LINGO3: variants seen among roughly 807,000 people sequenced by gnomAD.
The protein encoded by LINGO3 is leucine rich repeat and Ig domain containing 3.
For missense variants in LINGO3, 750 were observed against 867.7 expected (o/e 0.86, Z 1.70); for synonymous variants, 427 against 444.2 (o/e 0.96, Z 0.49).
chr19:2,304,204 A>G, the LINGO3 span, among the ~76,000 whole-genome samples: 1 of 152,342 alleles, frequency 6.6e-6, no homozygotes, highest in East Asian at 1.9e-4. Flanking sequence ...TGTGCCAGGC[A>G]CTGGTTTTAA....
upstream of LINGO3, among the ~76,000 whole-genome samples, chr19:2,296,952 C>T (rs530479909): frequency 7.9e-5 from 12 of 151,202 alleles, no homozygotes; most frequent in South Asian, 4.2e-4. Context: ...ATTAGCCGGG[C>T]GTGGTGGCGG....
In LINGO3 at chr19:2,290,126, C is replaced by A; in HGVS notation, c.1651G>T (p.Val551Leu). 1.9e-6 allele frequency: 3 copies of A among 1,611,730 alleles called. No individual in the cohort carries two copies. Among genetic ancestry groups the A allele is most frequent in the Non-Finnish European group, 1.7e-6 (2 of 1,179,224 alleles). Residue 551 changes from valine (V) to leucine (L), a missense_variant, in exon 1 of 1, where the codon GTG becomes TTG. Physicochemically the swap from Val to Leu is conservative, Grantham distance 32. Transcript: ENST00000585527. The surrounding 1 kb of genome is among the most constrained non-coding windows in gnomAD (Gnocchi z 6.0). Reference sequence around the variant, plus strand: ...TGCTGCCCGCGGCCGCGGCTCCACACGAACAGCAGCACGAAGCAGAAGAGG... The same window carrying A: ...TGCTGCCCGCGGCCGCGGCTCCACAAGAACAGCAGCACGAAGCAGAAGAGG...
upstream of LINGO3, among the ~76,000 whole-genome samples, chr19:2,295,435 G>A (rs1353913833): frequency 1.3e-5 from 2 of 152,136 alleles, no homozygotes; most frequent in African/African-American, 4.8e-5. Flanking sequence ...CCAGAACTGT[G>A]AGAGCAGCAG....
the LINGO3 span, among the ~76,000 whole-genome samples, chr19:2,305,352 A>G: frequency 6.6e-6 from 1 of 151,872 alleles, no homozygotes; most frequent in Non-Finnish European, 1.5e-5. Context: ...GTCCTTAGAT[A>G]TGGATCCTGG....
At position 2,291,768 on chromosome 19, in the gene LINGO3, G is replaced by C. The variant is rs760111112; in HGVS notation, c.9C>G (p.Cys3Trp). The change falls in exon 1 of 1, where the codon TGC becomes TGG. Residue 3 changes from cysteine to tryptophan, a missense_variant. By Grantham distance (215) the Cys-to-Trp change is radical. Transcript: ENST00000585527. ...GGGGCAGGCTCAGGACGCACAGCCA[G>C]CAGGTCATGGTGCGGAGCGTGGGCC... The C allele has an allele frequency of 6.5e-6, 9 of 1,389,264 alleles. No homozygotes were observed. In the South Asian group the frequency reaches 1.1e-4, roughly 16 times the overall value. 86.1% of individuals were successfully genotyped at this position (1,389,264 alleles called of 1,614,324 possible). A position where few individuals can be genotyped will look rare whatever the true frequency, so the allele number is the denominator to read the frequency against.
At chr19:2,296,827 A>G (rs866012322), upstream of LINGO3, among the ~76,000 whole-genome samples, 51 of 148,734 alleles carry the variant, frequency 3.4e-4, no homozygotes, top group East Asian at 1.3e-3. Flanking sequence ...GGTGGCTCAC[A>G]CCTGTAATCC....
In LINGO3 at chr19:2,291,502, T is replaced by A. The variant is rs201142184; in HGVS notation, c.275A>T (p.His92Leu). 7.7e-3 allele frequency: 12,439 copies of A among 1,611,240 alleles called. 60 individuals carry two copies. Among genetic ancestry groups the A allele is most frequent in the Non-Finnish European group, 9.5e-3 (11,216 of 1,179,036 alleles). ...GTTGGCGAAGGCGCCGGGCTCCACG[T>A]GCGCGATGGCGTTCTCGCTCAGGTC... is the stretch of plus-strand genomic sequence containing the variant. The change falls in exon 1 of 1, where the codon CAC becomes CTC. Residue 92 changes from histidine (H) to leucine (L), a missense_variant. Coordinates refer to ENST00000585527, the Ensembl canonical transcript of LINGO3.
the LINGO3 span, among the ~76,000 whole-genome samples, chr19:2,300,749 C>T: frequency 1.4e-4 from 21 of 152,282 alleles, no homozygotes; most frequent in African/African-American, 4.6e-4. Flanking sequence ...TCCTTCCAGC[C>T]GGGCTCCAGT....
At position 2,290,589 on chromosome 19, in the gene LINGO3, G is replaced by A; in HGVS notation, c.1188C>T (p.Ser396=). The A allele has an allele frequency of 2.5e-6, 4 of 1,580,376 alleles. No homozygotes were observed. The highest frequency in any genetic ancestry group is 3.4e-6 in the Non-Finnish European group (4 of 1,169,300). The change falls in exon 1 of 1, where the codon TCC becomes TCT. Residue 396 remains serine (S), a synonymous_variant. Coordinates refer to ENST00000585527, the Ensembl canonical transcript of LINGO3. This position sits in a 1 kb window ranked among gnomAD's most constrained non-coding sequence, Gnocchi z 6.0. The stretch of plus-strand genomic sequence containing the variant: ...GGCACACGAAGTACTCGAACAGCAC[G>A]GAGTCCGGCAGGTTTCGCAGCGCGT...
downstream of LINGO3, among the ~76,000 whole-genome samples, chr19:2,288,662 GC>G (rs2025487431): frequency 2.0e-5 from 3 of 152,310 alleles, no homozygotes; most frequent in East Asian, 3.9e-4. This position sits in a 1 kb window ranked among gnomAD's most constrained non-coding sequence, Gnocchi z 6.5. Context: ...GGACAGCCCT[GC>G]TGGGCTGTGG....
At chr19:2,289,661 T>G (rs1044094255), downstream of LINGO3, 8 of 285,142 alleles carry the variant, frequency 2.8e-5, no homozygotes, top group Admixed American at 5.2e-5. Flanking sequence ...TTGCGGGCCC[T>G]GAGGATCCTG....
chr19:2,306,680 C>T, the LINGO3 span, among the ~76,000 whole-genome samples: 8 of 152,072 alleles, frequency 5.3e-5, no homozygotes, highest in South Asian at 2.1e-4. Flanking sequence ...AGAGAGGGGA[C>T]GTCATTTGCC....
chr19:2,287,452 C>T (rs2025478374), downstream of LINGO3, among the ~76,000 whole-genome samples: 1 of 152,158 alleles, frequency 6.6e-6, no homozygotes, highest in Non-Finnish European at 1.5e-5. This position sits in a 1 kb window ranked among gnomAD's most constrained non-coding sequence, Gnocchi z 4.5. Context: ...CTGCCCAATT[C>T]AGGGGTGGCG....
chr19:2,305,692 C>T, the LINGO3 span, among the ~76,000 whole-genome samples: 10 of 152,178 alleles, frequency 6.6e-5, no homozygotes, highest in Admixed American at 1.3e-4. Flanking sequence ...AGTGTGGTAG[C>T]GGTCCCCTCT....
At chr19:2,288,409 C>T (rs773324487), downstream of LINGO3, among the ~76,000 whole-genome samples, 4 of 152,218 alleles carry the variant, frequency 2.6e-5, no homozygotes, top group African/African-American at 7.2e-5. This position sits in a 1 kb window ranked among gnomAD's most constrained non-coding sequence, Gnocchi z 6.5. Context: ...TCAGCAGGGC[C>T]GGCCATGATG....
At chr19:2,297,187 C>T in the LINGO3 span, among the ~76,000 whole-genome samples, 1 of 152,064 alleles carries the variant, frequency 6.6e-6, no homozygotes, top group Non-Finnish European at 1.5e-5. Flanking sequence ...CTACAGCAAG[C>T]AGCCCTCACC....
chr19:2,298,491 G>A, the LINGO3 span, among the ~76,000 whole-genome samples: 2 of 150,598 alleles, frequency 1.3e-5, no homozygotes, highest in African/African-American at 4.9e-5. Context: ...CTTGGCCTCC[G>A]AAGGTGCCGG....
rs766006208 is a variant in LINGO3, at chr19:2,290,700, G to T, written c.1077C>A (p.Arg359=). ...TGCGACGCTGCACGATCCACAGCAG[G>T]CGACAGTCGCAGGCCAGCGGGTTCC... Residue 359 remains arginine, a synonymous_variant, in exon 1 of 1, where the codon CGC becomes CGA. Transcript: ENST00000585527. This position sits in a 1 kb window ranked among gnomAD's most constrained non-coding sequence, Gnocchi z 6.0. 1 of 1,611,868 alleles carries T rather than the reference G, an allele frequency of 6.2e-7. No individual in the cohort carries two copies. The highest frequency in any genetic ancestry group is 8.5e-7 in the Non-Finnish European group (1 of 1,179,542).
chr19:2,306,257 C>T, the LINGO3 span, among the ~76,000 whole-genome samples: 58 of 152,350 alleles, frequency 3.8e-4, no homozygotes, highest in South Asian at 0.012. Flanking sequence ...AGCATTTGAA[C>T]CTGGATCTGA....
Sources: gnomAD v4.1 joint callset for allele counts (sites outside exome capture counted in the v4.1 genomes callset) on GRCh38, gnomAD v4.1.1 for gene constraint, Gnocchi (gnomAD v3.1) non-coding constraint, MANE v1.5 for transcripts, NCBI Gene and HGNC (gene_info 2026-07-23, HGNC 2026-07-21) for gene names.